Variants in FHOD3 observed in about 807,000 individuals in gnomAD.
FHOD3 encodes the protein FH1/FH2 domain-containing protein 3.
A neutral mutation model predicts 173.0 loss-of-function variants in FHOD3; 90 were observed. That is an observed-to-expected ratio of 0.52 (90% confidence interval 0.44 to 0.62). The LOEUF (loss-of-function observed/expected upper bound fraction) is 0.62, where lower values mean the gene tolerates loss of function less well. Among genes scored for constraint, FHOD3 ranks in the 20% least tolerant of loss-of-function variants. The pLI, the probability that FHOD3 is intolerant of heterozygous loss-of-function variation, is 0.00. For synonymous variants in FHOD3, 828 were observed against 823.0 expected (o/e 1.01, Z -0.10); for missense variants, 1,945 against 2,034.7 (o/e 0.96, Z 0.85).
intron 5 of FHOD3, among the ~76,000 whole-genome samples, chr18:36,564,100 AC>A (rs35534286): frequency 6.6e-6 from 1 of 151,862 alleles, no homozygotes; most frequent in South Asian, 2.1e-4. Context: ...CCCAGGTGAC[AC>A]CCCAGGTGAA....
chr18:36,734,654 C>A (rs1014234896), intron 20 of FHOD3, among the ~76,000 whole-genome samples: 11 of 152,174 alleles, frequency 7.2e-5, no homozygotes, highest in Non-Finnish European at 1.3e-4. Flanking sequence ...ATGTGCCAAA[C>A]CAATACCCAG....
chr18:36,740,880 G>A, intron 21 of FHOD3, 42 bp downstream of exon 21: 1 of 1,575,056 alleles, frequency 6.3e-7, no homozygotes, highest in South Asian at 1.2e-5. Flanking sequence ...CACATCCACA[G>A]TGTTGAGAAA....
intron 5 of FHOD3, among the ~76,000 whole-genome samples, chr18:36,567,891 G>A (rs541797253): frequency 2.6e-4 from 40 of 152,218 alleles, no homozygotes; most frequent in African/African-American, 8.9e-4. Context: ...GAGGAGTGGG[G>A]TGGAAACTCA....
At chr18:36,605,343 G>A (rs2031938584) in intron 8 of FHOD3, among the ~76,000 whole-genome samples, 1 of 152,144 alleles carries the variant, frequency 6.6e-6, no homozygotes, top group African/African-American at 2.4e-5. Context: ...CCCACACAAT[G>A]TGGTACTTTG....
intron 2 of FHOD3, among the ~76,000 whole-genome samples, chr18:36,369,903 G>A (rs550817097): frequency 1.3e-5 from 2 of 152,278 alleles, no homozygotes; most frequent in South Asian, 4.1e-4. Flanking sequence ...GCAGGTGACC[G>A]TGGAATCAGA....
chr18:36,336,003 A>G (rs1389127763), intron 1 of FHOD3, among the ~76,000 whole-genome samples: 6 of 152,308 alleles, frequency 3.9e-5, no homozygotes, highest in Non-Finnish European at 8.8e-5. Context: ...CTTTTAGGAC[A>G]TACAACGTGT....
In FHOD3 at chr18:36,625,694, T is replaced by TGCTCCCAGTCA; in HGVS notation, c.1150_1160dup (p.Phe388GlnfsTer123). 1 of 1,610,814 alleles carries TGCTCCCAGTCA rather than the reference T, an allele frequency of 6.2e-7. No homozygotes were observed. Among genetic ancestry groups the TGCTCCCAGTCA allele is most frequent in the Non-Finnish European group, 8.5e-7 (1 of 1,178,164 alleles). ...CACCCTGTCGGCCCCCACCAGTCCC[T>TGCTCCCAGTCA]GCTCCCAGTCAGCTCCCAGCTTCAA... On this transcript the variant is annotated frameshift_variant, in exon 10 of 29. Transcript: ENST00000590592. LOFTEE classifies it high-confidence loss of function.
intron 20 of FHOD3, 41 bp downstream of exon 20, chr18:36,730,845 A>G: frequency 6.3e-7 from 1 of 1,591,112 alleles, no homozygotes; most frequent in Non-Finnish European, 8.6e-7. Context: ...ATTTTATCTT[A>G]TACTGCATGT....
chr18:36,736,084 CACTT>C lies in FHOD3; in HGVS notation c.3577-4568_3577-4565del, dbSNP rs538904830. 1.2e-4 allele frequency among the ~76,000 whole-genome samples: 18 copies of C among 152,228 alleles called. 1 individual carries two copies. The highest frequency in any genetic ancestry group is 1.5e-4 in the Non-Finnish European group (10 of 68,046). On this transcript the variant is annotated intron_variant, in intron 20 of 28. Transcript: ENST00000590592. Reference sequence around the variant, plus strand: ...CACGGGCCTTGTGATGGGGGTGCCTCACTTACTCAGCTTGCAGCTCTCAACCCCT... The same window carrying C: ...CACGGGCCTTGTGATGGGGGTGCCTCACTCAGCTTGCAGCTCTCAACCCCT...
intron 5 of FHOD3, among the ~76,000 whole-genome samples, chr18:36,573,759 C>T (rs770816579): frequency 6.6e-6 from 1 of 152,114 alleles, no homozygotes; most frequent in Non-Finnish European, 1.5e-5. Context: ...TGACTGTGTA[C>T]GCTGAGTTCT....
chr18:36,340,955 G>A (rs551159559), intron 1 of FHOD3, among the ~76,000 whole-genome samples: 1 of 152,236 alleles, frequency 6.6e-6, no homozygotes, highest in Non-Finnish European at 1.5e-5. Flanking sequence ...TTTCTTTGAT[G>A]CAGCCTCTAA....
At chr18:36,694,086 A>G (rs1467114412) in intron 17 of FHOD3, among the ~76,000 whole-genome samples, 1 of 151,984 alleles carries the variant, frequency 6.6e-6, no homozygotes, top group Admixed American at 6.6e-5. Context: ...TGCTCTGCAT[A>G]CTGTGGGTCC....
intron 2 of FHOD3, among the ~76,000 whole-genome samples, chr18:36,362,937 CTTAAAAT>C (rs1172361651): frequency 6.6e-6 from 1 of 152,086 alleles, no homozygotes; most frequent in Non-Finnish European, 1.5e-5. Flanking sequence ...ACAAAGCACT[CTTAAAAT>C]TTAATAAGAA....
At chr18:36,772,257 GA>G (rs1438330862) in intron 28 of FHOD3, among the ~76,000 whole-genome samples, 1 of 152,192 alleles carries the variant, frequency 6.6e-6, no homozygotes, top group Non-Finnish European at 1.5e-5. Flanking sequence ...ACTATCAACA[GA>G]AATTTAAGAA....
At chr18:36,483,379 A>G (rs143543992) in intron 3 of FHOD3, among the ~76,000 whole-genome samples, 2,704 of 152,282 alleles carry the variant, frequency 0.018, 50 homozygotes, top group Non-Finnish European at 0.027. Context: ...AGCACAGCCA[A>G]CCACTGTCCT....
At chr18:36,609,523 G>A (rs1185111468) in intron 8 of FHOD3, among the ~76,000 whole-genome samples, 4 of 152,036 alleles carry the variant, frequency 2.6e-5, no homozygotes, top group South Asian at 2.1e-4. Flanking sequence ...TTTTCACTGC[G>A]GAAATGACAA....
chr18:36,709,599 C>T (rs914029817), intron 18 of FHOD3: 3 of 578,440 alleles, frequency 5.2e-6, no homozygotes, highest in Non-Finnish European at 6.1e-6. Flanking sequence ...AAGACAGCCC[C>T]CAAACTGTCT....
intron 5 of FHOD3, among the ~76,000 whole-genome samples, chr18:36,526,561 G>A (rs531567503): frequency 2.0e-5 from 3 of 152,118 alleles, no homozygotes; most frequent in African/African-American, 7.2e-5. Context: ...CACCATGTCT[G>A]GCTAATTTTT....
chr18:36,409,528 A>T (rs920925846), intron 3 of FHOD3, among the ~76,000 whole-genome samples: 10 of 152,004 alleles, frequency 6.6e-5, no homozygotes, highest in African/African-American at 2.2e-4. Context: ...GTTATTGTTG[A>T]TTCATTTCCC....
Sources: allele counts gnomAD v4.1 joint callset (sites outside exome capture counted in the v4.1 genomes callset), GRCh38; gene constraint gnomAD v4.1.1; transcripts MANE v1.5; gene names NCBI Gene and HGNC (gene_info 2026-07-23, HGNC 2026-07-21).